ADGRL3: variants seen among roughly 807,000 people sequenced by gnomAD.
ADGRL3 encodes the protein adhesion G protein-coupled receptor L3.
A neutral mutation model predicts 153.5 loss-of-function variants in ADGRL3; 62 were observed. The ratio of observed to expected loss-of-function variants is 0.40; its 90% CI spans 0.33 to 0.50. ADGRL3 has a LOEUF of 0.50. Among genes scored for constraint, ADGRL3 ranks in the 20% least tolerant of loss-of-function variants. ADGRL3 has a pLI of 0.47. For synonymous variants in ADGRL3, 710 were observed against 672.5 expected, an observed-to-expected ratio of 1.06 and a Z score of -0.86; for missense variants, 1,641 against 1,859.4, an observed-to-expected ratio of 0.88 and a Z score of 2.16.
chr4:62,053,456 G>A (rs1582078548), intron 25 of ADGRL3, among the ~76,000 whole-genome samples: 1 of 151,424 alleles, frequency 6.6e-6, no homozygotes, highest in African/African-American at 2.4e-5. Context: ...TTCATAATTT[G>A]TCATAACAAG....
At chr4:61,555,070 A>C (rs777301948) in intron 4 of ADGRL3, among the ~76,000 whole-genome samples, 4 of 152,124 alleles carry the variant, frequency 2.6e-5, no homozygotes, top group Non-Finnish European at 5.9e-5. Flanking sequence ...GAACACCTTT[A>C]CCCATGTAAA....
At chr4:61,323,469 T>G (rs1431976767) in intron 1 of ADGRL3, among the ~76,000 whole-genome samples, 1 of 152,154 alleles carries the variant, frequency 6.6e-6, no homozygotes, top group Middle Eastern at 3.2e-3. Flanking sequence ...CCTTTGAAAC[T>G]GAATGCCTTC....
intron 9 of ADGRL3, among the ~76,000 whole-genome samples, chr4:61,890,854 T>A (rs1436119626): frequency 6.6e-6 from 1 of 152,232 alleles, no homozygotes; most frequent in African/African-American, 2.4e-5. Context: ...CACTTTTTTT[T>A]AAGCTAATAC....
At chr4:61,501,256 G>A (rs1011019118) in intron 3 of ADGRL3, among the ~76,000 whole-genome samples, 4 of 152,128 alleles carry the variant, frequency 2.6e-5, no homozygotes, top group South Asian at 2.1e-4. Flanking sequence ...TTCCCTCATT[G>A]AGCTTACAGT....
At chr4:61,659,309 A>G (rs2094526320) in intron 5 of ADGRL3, among the ~76,000 whole-genome samples, 1 of 152,090 alleles carries the variant, frequency 6.6e-6, no homozygotes, top group South Asian at 2.1e-4. Flanking sequence ...CTACAATTCA[A>G]CCTGTAATAG....
rs189743491 is a variant in ADGRL3 at position 61,631,907 on chromosome 4, G to A, written c.473+44467G>A. ...CTTCCAAAGTGCTGGGATTACAGGCGTGAGCCACCACACCTGGCCGCTGAA... is the reference window on the plus strand; with the variant it reads ...CTTCCAAAGTGCTGGGATTACAGGCATGAGCCACCACACCTGGCCGCTGAA... On this transcript the variant is annotated intron_variant, in intron 5 of 26. Coordinates refer to ENST00000683033, the MANE Select transcript of ADGRL3 (RefSeq NM_001387552.1). Among the ~76,000 whole-genome samples, 57 of 152,046 alleles carry A rather than the reference G, an allele frequency of 3.7e-4. 2 individuals carry two copies. Among genetic ancestry groups the A allele is most frequent in the African/African-American group, 1.2e-3 (51 of 41,482 alleles).
At chr4:61,316,321 T>A (rs536262996) in intron 1 of ADGRL3, among the ~76,000 whole-genome samples, 2 of 152,132 alleles carry the variant, frequency 1.3e-5, no homozygotes, top group Non-Finnish European at 2.9e-5. Context: ...GCATTTAGTA[T>A]GGTAGGCCAA....
chr4:61,781,457 A>G (rs1490593643), intron 8 of ADGRL3, among the ~76,000 whole-genome samples: 1 of 152,094 alleles, frequency 6.6e-6, no homozygotes, highest in Non-Finnish European at 1.5e-5. Context: ...CTTCTTTTCT[A>G]TATGCATCAT....
At chr4:61,318,834 T>A (rs1392499710) in intron 1 of ADGRL3, among the ~76,000 whole-genome samples, 3 of 152,324 alleles carry the variant, frequency 2.0e-5, no homozygotes, top group African/African-American at 7.2e-5. Context: ...GCAAATTTAA[T>A]ATTCCAGAGA....
chr4:61,462,459 G>T (rs1234238478), intron 2 of ADGRL3, among the ~76,000 whole-genome samples: 10 of 152,124 alleles, frequency 6.6e-5, no homozygotes, highest in African/African-American at 2.2e-4. Flanking sequence ...TTAGATTGGA[G>T]ACAATAGCTC....
chr4:61,330,183 T>G (rs570262869), intron 1 of ADGRL3, among the ~76,000 whole-genome samples: 3 of 152,186 alleles, frequency 2.0e-5, no homozygotes, highest in Non-Finnish European at 4.4e-5. Context: ...TGATGGTTAA[T>G]TTGATGTGTT....
chr4:61,231,948 A>G (rs1172370207), intron 1 of ADGRL3, among the ~76,000 whole-genome samples: 2 of 151,830 alleles, frequency 1.3e-5, no homozygotes, highest in Non-Finnish European at 1.5e-5. Context: ...GCTTAGCATA[A>G]AGAAACAAAG....
intron 3 of ADGRL3, among the ~76,000 whole-genome samples, chr4:61,505,081 G>T (rs187808899): frequency 6.6e-6 from 1 of 152,138 alleles, no homozygotes; most frequent in African/African-American, 2.4e-5. Flanking sequence ...GACAGACAAA[G>T]GTTCCCCTTT....
chr4:61,505,543 G>T (rs1560748079), intron 3 of ADGRL3, among the ~76,000 whole-genome samples: 1 of 152,184 alleles, frequency 6.6e-6, no homozygotes, highest in East Asian at 1.9e-4. Flanking sequence ...TGATGAAGAT[G>T]ATTAAACTCT....
At chr4:61,397,306 C>T (rs959345187) in intron 2 of ADGRL3, among the ~76,000 whole-genome samples, 12 of 151,730 alleles carry the variant, frequency 7.9e-5, no homozygotes, top group Admixed American at 7.9e-4. Flanking sequence ...GGAAGTAATC[C>T]ATTTACAGAA....
intron 2 of ADGRL3, among the ~76,000 whole-genome samples, chr4:61,408,932 C>T (rs1378831696): frequency 1.3e-5 from 2 of 151,500 alleles, no homozygotes; most frequent in Non-Finnish European, 2.9e-5. Flanking sequence ...GCTGTTGATT[C>T]TTTAGATTAA....
chr4:61,254,381 T>A (rs1463415635), intron 1 of ADGRL3, among the ~76,000 whole-genome samples: 3 of 152,168 alleles, frequency 2.0e-5, no homozygotes, highest in Non-Finnish European at 2.9e-5. Context: ...AAACTATTAG[T>A]CCAGATTTTT....
intron 6 of ADGRL3, among the ~76,000 whole-genome samples, chr4:61,727,811 A>T (rs1020265228): frequency 1.2e-4 from 18 of 152,152 alleles, no homozygotes; most frequent in Admixed American, 1.2e-3. Context: ...TATATAGTGA[A>T]TGCAGATTCT....
intron 2 of ADGRL3, among the ~76,000 whole-genome samples, chr4:61,439,993 A>G (rs898358116): frequency 3.3e-5 from 5 of 152,036 alleles, no homozygotes; most frequent in African/African-American, 1.2e-4. Flanking sequence ...CCCATCAATG[A>G]TGCATCTGTG....
Sources: gnomAD v4.1 joint callset for allele counts (sites outside exome capture counted in the v4.1 genomes callset) on GRCh38, gnomAD v4.1.1 for gene constraint, MANE v1.5 for transcripts, NCBI Gene and HGNC (gene_info 2026-07-23, HGNC 2026-07-21) for gene names.